The following CNGB3 variants were observed in gnomAD, a reference collection of about 807,000 sequenced individuals.
CNGB3 encodes the protein cyclic nucleotide-gated channel beta-3.
In CNGB3, 86 loss-of-function variants were observed where a neutral mutation model predicts 92.8. That is an observed-to-expected ratio of 0.93 (90% CI 0.78 to 1.11). CNGB3 has a LOEUF of 1.11. CNGB3 is among the 50% of genes least tolerant of loss of function. The probability of loss-of-function intolerance (pLI) is 0.00; values close to 1 mark genes in which losing one functional copy is unlikely to be tolerated. For synonymous variants in CNGB3, 333 were observed against 332.7 expected (o/e 1.00, Z -0.01); for missense variants, 1,026 against 956.8 (o/e 1.07, Z -0.95).
At chr8:86,724,084 C>T (rs1452762594) in intron 3 of CNGB3, among the ~76,000 whole-genome samples, 2 of 152,128 alleles carry the variant, frequency 1.3e-5, no homozygotes, top group Non-Finnish European at 2.9e-5. Flanking sequence ...GTGTACTGTG[C>T]TTATTACCTG....
intron 15 of CNGB3, among the ~76,000 whole-genome samples, chr8:86,582,147 C>A (rs1490694952): frequency 6.6e-6 from 1 of 152,092 alleles, no homozygotes. Context: ...GTAATCCCAG[C>A]ACTTTGGAAG....
At chr8:86,616,454 C>CT (rs1438206206) in intron 13 of CNGB3, among the ~76,000 whole-genome samples, 15 of 151,412 alleles carry the variant, frequency 9.9e-5, no homozygotes, top group South Asian at 6.3e-4. Context: ...TATTATTATT[C>CT]TTTTTTTTCC....
At chr8:86,727,705 T>C (rs997292389) in intron 2 of CNGB3, among the ~76,000 whole-genome samples, 9 of 152,092 alleles carry the variant, frequency 5.9e-5, no homozygotes, top group Non-Finnish European at 2.9e-5. Context: ...TAAGAACGAA[T>C]ACAATTTAAT....
chr8:86,740,104 C>T (rs1440329756), intron 1 of CNGB3, among the ~76,000 whole-genome samples: 1 of 152,206 alleles, frequency 6.6e-6, no homozygotes, highest in African/African-American at 2.4e-5. Context: ...CCTTTCTTCT[C>T]TCCATGATTT....
intron 13 of CNGB3, among the ~76,000 whole-genome samples, chr8:86,622,249 T>G (rs2131577386): frequency 6.6e-6 from 1 of 152,242 alleles, no homozygotes; most frequent in Admixed American, 6.5e-5. Context: ...CAATGTAGAG[T>G]AAGTCTCATT....
chr8:86,685,472 TA>T (rs1415017424), intron 3 of CNGB3, among the ~76,000 whole-genome samples: 4 of 152,230 alleles, frequency 2.6e-5, no homozygotes, highest in South Asian at 4.1e-4. Context: ...TTTTATATTG[TA>T]AAATGTTGGC....
At chr8:86,695,556 A>C (rs981673880) in intron 3 of CNGB3, among the ~76,000 whole-genome samples, 2 of 151,120 alleles carry the variant, frequency 1.3e-5, no homozygotes, top group African/African-American at 4.9e-5. Flanking sequence ...GGAATTTTTC[A>C]TTCATATCCT....
intron 15 of CNGB3, among the ~76,000 whole-genome samples, chr8:86,601,306 T>G (rs1000830213): frequency 1.3e-5 from 2 of 152,134 alleles, no homozygotes; most frequent in African/African-American, 2.4e-5. Flanking sequence ...AATGTACGTG[T>G]AAGGAAAATG....
At chr8:86,687,571 T>C (rs1475412421) in intron 3 of CNGB3, among the ~76,000 whole-genome samples, 1 of 151,970 alleles carries the variant, frequency 6.6e-6, no homozygotes, top group Non-Finnish European at 1.5e-5. Flanking sequence ...GTGTAAAAGA[T>C]CTTACTTTAG....
intron 14 of CNGB3, among the ~76,000 whole-genome samples, chr8:86,607,122 A>C (rs1465890404): frequency 6.6e-6 from 1 of 152,244 alleles, no homozygotes; most frequent in African/African-American, 2.4e-5. Context: ...GTGGGTACTT[A>C]AATACAGTTC....
intron 3 of CNGB3, among the ~76,000 whole-genome samples, chr8:86,713,175 T>C (rs866065738): frequency 3.3e-5 from 5 of 152,324 alleles, no homozygotes; most frequent in Middle Eastern, 3.4e-3. Context: ...ATTTTAGTTT[T>C]AAAAAATTAA....
intron 3 of CNGB3, among the ~76,000 whole-genome samples, chr8:86,717,035 G>A (rs147172947): frequency 3.4e-4 from 51 of 152,164 alleles, no homozygotes; most frequent in Admixed American, 7.2e-4. Context: ...AGATATTCCA[G>A]CAAATGGACA....
At chr8:86,591,176 G>T (rs1258714902) in intron 15 of CNGB3, among the ~76,000 whole-genome samples, 10 of 147,726 alleles carry the variant, frequency 6.8e-5, no homozygotes, top group African/African-American at 1.7e-4. Flanking sequence ...CTCGAGCCTT[G>T]GTTTTCAGCT....
intron 3 of CNGB3, among the ~76,000 whole-genome samples, chr8:86,686,740 C>T (rs1563754221): frequency 6.6e-6 from 1 of 151,914 alleles, no homozygotes; most frequent in African/African-American, 2.4e-5. Flanking sequence ...TGATAAGGTA[C>T]TTGTCATAAA....
At chr8:86,714,244 C>T (rs1184794158) in intron 3 of CNGB3, among the ~76,000 whole-genome samples, 1 of 152,136 alleles carries the variant, frequency 6.6e-6, no homozygotes, top group African/African-American at 2.4e-5. Context: ...GTTTTGCCTT[C>T]TCCAGAATAG....
At chr8:86,613,074 A>G (rs1017551224) in intron 13 of CNGB3, among the ~76,000 whole-genome samples, 2 of 152,210 alleles carry the variant, frequency 1.3e-5, no homozygotes, top group Non-Finnish European at 2.9e-5. Flanking sequence ...AAGCACCAGG[A>G]AAGTGCTCAT....
chr8:86,600,886 T>C (rs531088873), intron 15 of CNGB3, among the ~76,000 whole-genome samples: 4 of 139,106 alleles, frequency 2.9e-5, no homozygotes, highest in African/African-American at 8.0e-5. Context: ...CGCCTCAGCC[T>C]CCCAACGTGT....
intron 15 of CNGB3, among the ~76,000 whole-genome samples, chr8:86,599,392 C>G (rs963833453): frequency 2.0e-5 from 3 of 152,070 alleles, no homozygotes; most frequent in African/African-American, 7.2e-5. Context: ...TGTGTTTGAA[C>G]AATATGAAAT....
chr8:86,658,175 G>T, intron 6 of CNGB3: 1 of 542,362 alleles, frequency 1.8e-6, no homozygotes, highest in East Asian at 4.1e-5. Flanking sequence ...GCCACCAGGT[G>T]AGCCAGACAC....
Sources: allele counts gnomAD v4.1 joint callset (sites outside exome capture counted in the v4.1 genomes callset), GRCh38; gene constraint gnomAD v4.1.1; transcripts MANE v1.5; gene names NCBI Gene and HGNC (gene_info 2026-07-23, HGNC 2026-07-21).